PPP2R5B: variants seen among roughly 807,000 people sequenced by gnomAD.
PPP2R5B encodes serine/threonine-protein phosphatase 2A 56 kDa regulatory subunit beta isoform.
Under a neutral mutation model 59.9 loss-of-function variants are expected in PPP2R5B, and 19 were observed. The ratio of observed to expected loss-of-function variants is 0.32; its 90% CI spans 0.22 to 0.47. The LOEUF (loss-of-function observed/expected upper bound fraction) is 0.47. Among genes scored for constraint, PPP2R5B ranks in the 20% least tolerant of loss-of-function variants. PPP2R5B has a pLI of 1.00. For synonymous variants in PPP2R5B, 286 were observed against 260.5 expected, an observed-to-expected ratio of 1.10 and a Z score of -0.94; for missense variants, 441 against 640.2, an observed-to-expected ratio of 0.69 and a Z score of 3.36.
rs779868416 is a variant in PPP2R5B, at chr11:64,930,461, C to T, written c.783-20C>T. The T allele has an allele frequency of 1.1e-5, 18 of 1,613,826 alleles. No individual in the cohort carries two copies. The African/African-American group carries it at 2.3e-4, about 20-fold the overall frequency. ...GCCAGGTCACCTGAGCCCTCTTCCT[C>T]TCTTCTGCCTCCTCCTCAGCATCAT... is the stretch of plus-strand genomic sequence containing the variant. On this transcript the variant is annotated intron_variant, in intron 7 of 13. Coordinates refer to ENST00000164133, the MANE Select transcript of PPP2R5B (RefSeq NM_006244.4).
rs1379868501 is a variant in PPP2R5B, at chr11:64,930,626, CCAGA to C, written c.891+41_891+44del. The stretch of plus-strand genomic sequence containing the variant: ...GCCTGTCCCTGCTGCAGCAGGAGCT[CCAGA>C]CAGTCAGGGCAGCCAGTGGGTCCTG... On this transcript the variant is annotated intron_variant, in intron 8 of 13. Transcript: ENST00000164133. 3.2e-6 allele frequency: 5 copies of C among 1,569,500 alleles called. No individual in the cohort carries two copies. In the South Asian group the frequency reaches 4.4e-5, roughly 14 times the overall value.
At chr11:64,920,297 C>T (rs1945098155), upstream of PPP2R5B, among the ~76,000 whole-genome samples, 2 of 152,196 alleles carry the variant, frequency 1.3e-5, no homozygotes, top group Non-Finnish European at 2.9e-5. Flanking sequence ...TCACATCTGT[C>T]TGTTGTAACT....
rs1288935725 is a variant in PPP2R5B, at chr11:64,925,195, G to C, written c.-265+167G>C. ...AGCAGCGATGCGTTCCATTCTGAAA[G>C]GGGCAGGGATGACGATCGGGGCTCC... On this transcript the variant is annotated intron_variant, in intron 1 of 13. Transcript: ENST00000164133. The surrounding 1 kb of genome is among the most constrained non-coding windows in gnomAD (Gnocchi z 4.6). Among the ~76,000 whole-genome samples, 3 of 152,194 alleles carry C rather than the reference G, an allele frequency of 2.0e-5. No individual in the cohort carries two copies. Among genetic ancestry groups the C allele is most frequent in the East Asian group, 1.9e-4 (1 of 5,188 alleles).
At position 64,925,623 on chromosome 11, in the gene PPP2R5B, C is replaced by CCT. The variant is rs1554968352; in HGVS notation, c.-111_-110insTC. 1.2e-5 allele frequency: 7 copies of CCT among 566,246 alleles called. No homozygotes were observed. The highest frequency in any genetic ancestry group is 4.1e-5 in the South Asian group (2 of 49,080). 35.1% of individuals were successfully genotyped at this position (566,246 alleles called of 1,614,324 possible). A position where few individuals can be genotyped will look rare whatever the true frequency, so the allele number is the denominator to read the frequency against. ...CCAGGACTGTGGTTGTGCCCCCCCCCCAAAGGCCGGACAGGATGGGACCAA... is the reference window on the plus strand; with the variant it reads ...CCAGGACTGTGGTTGTGCCCCCCCCCCTCAAAGGCCGGACAGGATGGGACCAA... On this transcript the variant is annotated 5_prime_UTR_variant, in exon 2 of 14. Transcript: ENST00000164133. This position sits in a 1 kb window ranked among gnomAD's most constrained non-coding sequence, Gnocchi z 4.6.
In PPP2R5B at chr11:64,931,736, C is replaced by A; in HGVS notation, c.997-13C>A. ...TGCCCCTCTGTCCCTACTCCCCTCC[C>A]CAACCCACCCAGGTGATGTTTCTGG... On this transcript the variant is annotated splice_polypyrimidine_tract_variant and intron_variant, in intron 10 of 13. Coordinates refer to ENST00000164133, the MANE Select transcript of PPP2R5B (RefSeq NM_006244.4). This position sits in a 1 kb window ranked among gnomAD's most constrained non-coding sequence, Gnocchi z 5.0. The A allele has an allele frequency of 6.2e-7, 1 of 1,614,130 alleles. No homozygotes were observed. Among genetic ancestry groups the A allele is most frequent in the Non-Finnish European group, 8.5e-7 (1 of 1,179,968 alleles).
chr11:64,933,710 G>A lies in PPP2R5B; in HGVS notation c.1360G>A (p.Ala454Thr). The change falls in exon 14 of 14, where the codon GCC (alanine) becomes ACC (threonine). Residue 454 changes from alanine (A) to threonine (T), a missense_variant. Transcript: ENST00000164133. The stretch of plus-strand genomic sequence containing the variant: ...CTCTCTCCCCAGGGAGCAGCAGAAG[G>A]CCCAGGAGCGTCAGGAGTTATGGCA... ...KLEKQQEQQK[A>T]QERQELWQGL... 1.3e-6 allele frequency: 2 copies of A among 1,555,970 alleles called. No individual in the cohort carries two copies. The highest frequency in any genetic ancestry group is 1.7e-6 in the Non-Finnish European group (2 of 1,149,364).
intron 3 of PPP2R5B, 39 bp from the exon 4 acceptor site, chr11:64,927,763 A>G (rs1444305396): frequency 6.8e-7 from 1 of 1,473,878 alleles, no homozygotes; most frequent in Non-Finnish European, 9.5e-7. Context: ...TTCTGTCTTC[A>G]AGGGCTTTTC....
rs1426356163 is a variant in PPP2R5B at position 64,930,880 on chromosome 11, A to AT, written c.891+302dup. Reference sequence around the variant, plus strand: ...CTATTATGGGAGATTTTGATACACAATTTTTTTTTTTGAGACAAAACCGTA... The same window carrying AT: ...CTATTATGGGAGATTTTGATACACAATTTTTTTTTTTTGAGACAAAACCGTA... On this transcript the variant is annotated intron_variant, in intron 8 of 13. Coordinates refer to ENST00000164133, the MANE Select transcript of PPP2R5B (RefSeq NM_006244.4). Among the ~76,000 whole-genome samples, 797 of 148,054 alleles carry AT rather than the reference A, an allele frequency of 5.4e-3. 7 individuals carry two copies. The highest frequency in any genetic ancestry group is 0.018 in the African/African-American group (725 of 40,534).
In PPP2R5B at chr11:64,928,153, C is replaced by T. The variant is rs973124826; in HGVS notation, c.586C>T (p.Leu196=). The change falls in exon 5 of 14, where the codon CTG becomes TTG. Residue 196 remains leucine (L), a synonymous_variant. Coordinates refer to ENST00000164133, the MANE Select transcript of PPP2R5B (RefSeq NM_006244.4). ...GAGATATGTGGATCAAAAGTTTGTCCTGATGGTGAAGTGGGGAGCCCAGGC... is the reference window on the plus strand; with the variant it reads ...GAGATATGTGGATCAAAAGTTTGTCTTGATGGTGAAGTGGGGAGCCCAGGC... The part of the protein sequence containing the change: ...AKRYVDQKFV[L]MLLELFDSED... 3.1e-6 allele frequency: 5 copies of T among 1,614,050 alleles called. No homozygotes were observed. Among genetic ancestry groups the T allele is most frequent in the Non-Finnish European group, 4.2e-6 (5 of 1,180,014 alleles).
chr11:64,922,590 T>G (rs982742347), upstream of PPP2R5B, among the ~76,000 whole-genome samples: 1 of 152,072 alleles, frequency 6.6e-6, no homozygotes, highest in African/African-American at 2.4e-5. Context: ...AGTCTTTTTT[T>G]TCAGCCGGGC....
rs199548017 is a variant in PPP2R5B at position 64,931,897 on chromosome 11, G to A, written c.1116+29G>A. On this transcript the variant is annotated intron_variant, in intron 11 of 13. Transcript: ENST00000164133. The surrounding 1 kb of genome is among the most constrained non-coding windows in gnomAD (Gnocchi z 5.0). ...TGAGGCAGGACAGGCGGGGATGGGAGCAGGGCTGGCCTGGAAAGGTTGGGT... is the reference window on the plus strand; with the variant it reads ...TGAGGCAGGACAGGCGGGGATGGGAACAGGGCTGGCCTGGAAAGGTTGGGT... 297 of 1,611,026 alleles carry A rather than the reference G, an allele frequency of 1.8e-4. No homozygotes were observed. The African/African-American group carries it at 3.5e-3, about 19-fold the overall frequency.
At chr11:64,924,440 T>G (rs758237891), upstream of PPP2R5B, 1 of 152,408 alleles carries the variant, frequency 6.6e-6, no homozygotes, top group Non-Finnish European at 1.5e-5. Flanking sequence ...AGCCCTCCTC[T>G]TTCCCTATGC....
rs369150447 is a variant in PPP2R5B at position 64,928,206 on chromosome 11, C to T, written c.591+48C>T. ...GGTGGTACCACAAGGCAGGGGCAGG[C>T]TCTCTGAGGGGCCAGGGATAGGATG... On this transcript the variant is annotated intron_variant, in intron 5 of 13. Coordinates refer to ENST00000164133, the MANE Select transcript of PPP2R5B (RefSeq NM_006244.4). 15 of 1,613,220 alleles carry T rather than the reference C, an allele frequency of 9.3e-6. No homozygotes were observed. In the African/African-American group the frequency reaches 1.2e-4, roughly 13 times the overall value.
chr11:64,930,400 C>T lies in PPP2R5B; in HGVS notation c.782+19C>T. 1 of 1,614,048 alleles carries T rather than the reference C, an allele frequency of 6.2e-7. No individual in the cohort carries two copies. The highest frequency in any genetic ancestry group is 8.5e-7 in the Non-Finnish European group (1 of 1,179,928). ...TAGGAAGGTGATTCTCCCTGGGCCTCAGCTGGAGCTCAGGATTCTGGAAGG... is the reference window on the plus strand; with the variant it reads ...TAGGAAGGTGATTCTCCCTGGGCCTTAGCTGGAGCTCAGGATTCTGGAAGG... On this transcript the variant is annotated intron_variant, in intron 7 of 13. Coordinates refer to ENST00000164133, the MANE Select transcript of PPP2R5B (RefSeq NM_006244.4).
At chr11:64,927,728 AG>A (rs1451642108) in intron 3 of PPP2R5B, 73 bp from the exon 4 acceptor site, 35 of 1,127,496 alleles carry the variant, frequency 3.1e-5, no homozygotes, top group Non-Finnish European at 4.3e-5. Context: ...AAAAAAAAAA[AG>A]CTTTGAATGA....
At chr11:64,922,191 A>T (rs1001450683), upstream of PPP2R5B, among the ~76,000 whole-genome samples, 2 of 151,622 alleles carry the variant, frequency 1.3e-5, no homozygotes, top group African/African-American at 4.9e-5. Flanking sequence ...AAAAAATAAA[A>T]AAATAAAATA....
chr11:64,926,715 T>G lies in PPP2R5B; in HGVS notation c.203T>G (p.Val68Gly). 1 of 1,613,878 alleles carries G rather than the reference T, an allele frequency of 6.2e-7. No homozygotes were observed. The highest frequency in any genetic ancestry group is 8.5e-7 in the Non-Finnish European group (1 of 1,179,894). ...ELTPLPLLKD[V>G]PASELHELLS... Reference sequence around the variant, plus strand: ...CAGGATGCCCTCTCCTCCCCAGATGTGCCGGCTTCCGAGCTGCACGAGCTG... The same window carrying G: ...CAGGATGCCCTCTCCTCCCCAGATGGGCCGGCTTCCGAGCTGCACGAGCTG... Residue 68 changes from valine (V) to glycine (G), a missense_variant, in exon 3 of 14, where the codon GTG becomes GGG. Transcript: ENST00000164133.
upstream of PPP2R5B, among the ~76,000 whole-genome samples, chr11:64,922,599 G>A (rs964024378): frequency 6.6e-6 from 1 of 152,070 alleles, no homozygotes; most frequent in African/African-American, 2.4e-5. Context: ...TTTCAGCCGG[G>A]CACAGTGGCT....
chr11:64,930,556 C>T lies in PPP2R5B; in HGVS notation c.858C>T (p.His286=), dbSNP rs781589390. The T allele has an allele frequency of 6.2e-7, 1 of 1,614,208 alleles. No homozygotes were observed. Among genetic ancestry groups the T allele is most frequent in the Non-Finnish European group, 8.5e-7 (1 of 1,180,022 alleles). ...TGGTTCGCGTCCTGATCCCCCTGCA[C>T]TCTGTCAAGTCGCTGTCTGTCTTCC... ...QFLVRVLIPL[H]SVKSLSVFHA... The change falls in exon 8 of 14, where the codon CAC becomes CAT. Residue 286 remains histidine (H), a synonymous_variant. Transcript: ENST00000164133.
Sources: allele counts gnomAD v4.1 joint callset (sites outside exome capture counted in the v4.1 genomes callset), GRCh38; gene constraint gnomAD v4.1.1; non-coding constraint Gnocchi (gnomAD v3.1); transcripts MANE v1.5; gene names NCBI Gene and HGNC (gene_info 2026-07-23, HGNC 2026-07-21).